BAIAP2L1: variants seen among roughly 807,000 people sequenced by gnomAD.
BAIAP2L1 encodes the protein BAR/IMD domain containing adaptor protein 2 like 1.
BAIAP2L1 carries 35 observed loss-of-function variants against 66.3 expected under a neutral mutation model. The observed-to-expected ratio is 0.53, with a 90% confidence interval of 0.40 to 0.70. BAIAP2L1 has a LOEUF of 0.70. BAIAP2L1 is among the 30% of genes least tolerant of loss of function. BAIAP2L1 has a pLI of 0.00. For synonymous variants in BAIAP2L1, 269 were observed against 248.7 expected (o/e 1.08, Z -0.77); for missense variants, 622 against 656.9 (o/e 0.95, Z 0.58).
chr7:98,315,423 T>A, intron 7 of BAIAP2L1, 37 bp downstream of exon 7: 2 of 1,364,114 alleles, frequency 1.5e-6, no homozygotes, highest in Non-Finnish European at 1.9e-6. Context: ...GAAATAAAGT[T>A]ATTAATACGC....
At chr7:98,321,518 C>T (rs1482738720) in intron 3 of BAIAP2L1, among the ~76,000 whole-genome samples, 1 of 152,116 alleles carries the variant, frequency 6.6e-6, no homozygotes, top group Non-Finnish European at 1.5e-5. Flanking sequence ...GCCTCACCGC[C>T]GAGGGCAGCA....
chr7:98,389,341 CAG>C (rs1351675650), intron 1 of BAIAP2L1, among the ~76,000 whole-genome samples: 6 of 152,010 alleles, frequency 3.9e-5, no homozygotes, highest in Middle Eastern at 3.4e-3. Flanking sequence ...TTTTTTGAGA[CAG>C]AGTCTCACTC....
intron 12 of BAIAP2L1, among the ~76,000 whole-genome samples, chr7:98,297,743 T>C (rs1002390822): frequency 9.2e-5 from 14 of 152,116 alleles, no homozygotes; most frequent in African/African-American, 2.9e-4. Flanking sequence ...GAGGCACCCA[T>C]GTTGTGACGC....
At chr7:98,357,701 G>A (rs900683744) in intron 2 of BAIAP2L1, among the ~76,000 whole-genome samples, 66 of 151,940 alleles carry the variant, frequency 4.3e-4, no homozygotes, top group African/African-American at 1.5e-3. Context: ...ACCTTAAAGT[G>A]TAAATGTAAA....
intron 1 of BAIAP2L1, among the ~76,000 whole-genome samples, chr7:98,393,808 A>T (rs1245786596): frequency 1.4e-5 from 2 of 142,254 alleles, no homozygotes; most frequent in Non-Finnish European, 3.1e-5. Flanking sequence ...TTGAAAATGT[A>T]CCTACTTTGG....
chr7:98,317,394 C>T lies in BAIAP2L1; in HGVS notation c.349-38G>A, dbSNP rs765646439. The T allele has an allele frequency of 3.7e-6, 6 of 1,608,162 alleles. No homozygotes were observed. In the East Asian group the frequency reaches 1.3e-4, roughly 36 times the overall value. ...TGGCTGTGCTTATTTTACTGTGGCA[C>T]CACACGAATTGTCACACAGTTTGCC... On this transcript the variant is annotated intron_variant, in intron 5 of 13. Coordinates refer to ENST00000005260, the MANE Select transcript of BAIAP2L1 (RefSeq NM_018842.5).
intron 9 of BAIAP2L1, chr7:98,308,540 TG>T (rs1168102786): frequency 2.9e-6 from 1 of 345,644 alleles, no homozygotes; most frequent in African/African-American, 2.1e-5. Flanking sequence ...GGCAAGTGGC[TG>T]GGCCAGGAAC....
In BAIAP2L1 at chr7:98,292,784, C is replaced by A; in HGVS notation, c.*737G>T. On this transcript the variant is annotated 3_prime_UTR_variant, in exon 14 of 14. Transcript: ENST00000005260. Reference sequence around the variant, plus strand: ...CTAGCTGAGTGAGAACACAAGGAGCCGTGACTCCGACGCCCAGGCCTGTGT... The same window carrying A: ...CTAGCTGAGTGAGAACACAAGGAGCAGTGACTCCGACGCCCAGGCCTGTGT... The A allele has an allele frequency of 6.5e-7, 1 of 1,545,050 alleles. No homozygotes were observed. The highest frequency in any genetic ancestry group is 1.7e-4 in the Middle Eastern group (1 of 5,958).
At chr7:98,294,577 G>A (rs1448483789) in intron 12 of BAIAP2L1, among the ~76,000 whole-genome samples, 1 of 152,164 alleles carries the variant, frequency 6.6e-6, no homozygotes, top group Non-Finnish European at 1.5e-5. Flanking sequence ...GAGCAACAGA[G>A]CGACATCACA....
At chr7:98,392,104 G>T (rs1803059940) in intron 1 of BAIAP2L1, among the ~76,000 whole-genome samples, 1 of 150,560 alleles carries the variant, frequency 6.6e-6, no homozygotes, top group East Asian at 1.9e-4. Context: ...GGGAGGCTGA[G>T]GTAGGATCAC....
At chr7:98,356,771 G>A (rs1035337780) in intron 2 of BAIAP2L1, among the ~76,000 whole-genome samples, 1 of 149,006 alleles carries the variant, frequency 6.7e-6, no homozygotes, top group Admixed American at 6.8e-5. Context: ...GAGCCCAAGA[G>A]TTTGAGACCA....
At chr7:98,340,608 T>C (rs1801719090) in intron 3 of BAIAP2L1, among the ~76,000 whole-genome samples, 2 of 152,118 alleles carry the variant, frequency 1.3e-5, no homozygotes, top group African/African-American at 4.8e-5. Context: ...ATTTACTAAT[T>C]ATAGTACATT....
chr7:98,324,504 C>CA (rs1043899209), intron 3 of BAIAP2L1, among the ~76,000 whole-genome samples: 1 of 151,930 alleles, frequency 6.6e-6, no homozygotes, highest in African/African-American at 2.4e-5. Flanking sequence ...GGAGTTAAAA[C>CA]AAAAAAAGGA....
intron 1 of BAIAP2L1, among the ~76,000 whole-genome samples, chr7:98,372,821 C>T (rs1418756250): frequency 6.8e-6 from 1 of 147,602 alleles, no homozygotes; most frequent in African/African-American, 2.5e-5. Context: ...TCTCGGCTCA[C>T]TGCAACCTCT....
intron 11 of BAIAP2L1, 92 bp downstream of exon 11, chr7:98,306,347 G>C (rs1271725743): frequency 5.5e-6 from 8 of 1,461,002 alleles, no homozygotes; most frequent in African/African-American, 1.4e-5. Flanking sequence ...GCTTAGGGCA[G>C]GGCCTGCGAC....
intron 1 of BAIAP2L1, among the ~76,000 whole-genome samples, chr7:98,365,807 C>G (rs573167913): frequency 6.6e-6 from 1 of 152,254 alleles, no homozygotes; most frequent in Non-Finnish European, 1.5e-5. Context: ...TAAAAGTACT[C>G]TCCTGTTCTT....
At chr7:98,294,954 C>T (rs1800123416) in intron 12 of BAIAP2L1, among the ~76,000 whole-genome samples, 1 of 152,218 alleles carries the variant, frequency 6.6e-6, no homozygotes, top group Non-Finnish European at 1.5e-5. Flanking sequence ...GAGGGTTTAA[C>T]ACTCTTTCCT....
At position 98,370,646 on chromosome 7, in the gene BAIAP2L1, C is replaced by T. The variant is rs537437381; in HGVS notation, c.52-8214G>A. Among the ~76,000 whole-genome samples, 141 of 151,332 alleles carry T rather than the reference C, an allele frequency of 9.3e-4. 2 individuals carry two copies. Among genetic ancestry groups the T allele is most frequent in the African/African-American group, 3.3e-3 (135 of 41,258 alleles). Reference sequence around the variant, plus strand: ...CCCCCTGAGTAGCTGGGACTACAGGCGCCCGCCACCATGCCCAGCTAATTT... The same window carrying T: ...CCCCCTGAGTAGCTGGGACTACAGGTGCCCGCCACCATGCCCAGCTAATTT... On this transcript the variant is annotated intron_variant, in intron 1 of 13. Transcript: ENST00000005260.
chr7:98,307,494 A>G, intron 10 of BAIAP2L1, 195 bp downstream of exon 10: 1 of 1,431,590 alleles, frequency 7.0e-7, no homozygotes, highest in South Asian at 1.5e-5. Flanking sequence ...GCATGCACCA[A>G]ATGTATCTCT....
Sources: gnomAD v4.1 joint callset for allele counts (sites outside exome capture counted in the v4.1 genomes callset) on GRCh38, gnomAD v4.1.1 for gene constraint, MANE v1.5 for transcripts, NCBI Gene and HGNC (gene_info 2026-07-23, HGNC 2026-07-21) for gene names.